MYZAP: variants seen among roughly 807,000 people sequenced by gnomAD.
The protein encoded by MYZAP is myocardial zonula adherens protein, also known as GRINL1A complex locus upstream.
A neutral mutation model predicts 69.4 loss-of-function variants in MYZAP; 66 were observed. That is an observed-to-expected ratio of 0.95 (90% CI 0.78 to 1.17). MYZAP has a LOEUF of 1.17. Among genes scored for constraint, MYZAP ranks in the 50% most tolerant of loss-of-function variants. The pLI, the probability that MYZAP is intolerant of heterozygous loss-of-function variation, is 0.00. For synonymous variants in MYZAP, 256 were observed against 205.9 expected, an observed-to-expected ratio of 1.24 and a Z score of -2.09; for missense variants, 611 against 556.2, an observed-to-expected ratio of 1.10 and a Z score of -0.99.
intron 11 of MYZAP, among the ~76,000 whole-genome samples, chr15:57,664,556 G>A (rs766870034): frequency 6.6e-6 from 1 of 152,160 alleles, no homozygotes; most frequent in Non-Finnish European, 1.5e-5. Flanking sequence ...TCTACGGCAC[G>A]GATGCTAAGC....
At chr15:57,628,129 A>G (rs568180927) in intron 5 of MYZAP, among the ~76,000 whole-genome samples, 114 of 152,334 alleles carry the variant, frequency 7.5e-4, no homozygotes, top group Non-Finnish European at 1.3e-3. Flanking sequence ...CACATCTTCT[A>G]ATGTGAAATT....
chr15:57,670,056 A>G (rs537502851), intron 11 of MYZAP, among the ~76,000 whole-genome samples: 11 of 152,250 alleles, frequency 7.2e-5, no homozygotes, highest in African/African-American at 2.6e-4. Flanking sequence ...TATAGTTTCA[A>G]TTAAATTTTT....
At chr15:57,624,591 A>G (rs1207163814) in intron 4 of MYZAP, among the ~76,000 whole-genome samples, 3 of 152,208 alleles carry the variant, frequency 2.0e-5, no homozygotes, top group African/African-American at 7.2e-5. Context: ...CATCAAAGCC[A>G]AAGAATTGGA....
At chr15:57,608,137 T>C (rs575053308) in intron 2 of MYZAP, among the ~76,000 whole-genome samples, 1 of 152,322 alleles carries the variant, frequency 6.6e-6, no homozygotes, top group African/African-American at 2.4e-5. Context: ...GTGAGACTTC[T>C]CAAGGATTTC....
intron 1 of MYZAP, 127 bp from the exon 2 acceptor site, chr15:57,604,142 C>CT (rs1424250634): frequency 1.5e-5 from 15 of 998,804 alleles, no homozygotes; most frequent in Admixed American, 2.1e-5. Context: ...TCTATGGCTC[C>CT]TGTATGATCA....
intron 9 of MYZAP, among the ~76,000 whole-genome samples, chr15:57,638,961 C>G (rs2036973978): frequency 6.6e-6 from 1 of 152,134 alleles, no homozygotes; most frequent in Non-Finnish European, 1.5e-5. Context: ...TATCTCTCAG[C>G]CCCTGGAAAA....
At chr15:57,666,445 T>C (rs2038574219) in intron 11 of MYZAP, among the ~76,000 whole-genome samples, 1 of 152,160 alleles carries the variant, frequency 6.6e-6, no homozygotes, top group Admixed American at 6.5e-5. Flanking sequence ...GGATTCATCA[T>C]TTGTGCTTAC....
At chr15:57,647,716 T>C (rs1269530682) in intron 10 of MYZAP, 1 of 985,304 alleles carries the variant, frequency 1.0e-6, no homozygotes, top group African/African-American at 1.7e-5. Context: ...CCTAAGTGGA[T>C]GCCCTCCACA....
intron 10 of MYZAP, among the ~76,000 whole-genome samples, chr15:57,649,821 C>A (rs2037638035): frequency 6.6e-6 from 1 of 152,176 alleles, no homozygotes; most frequent in African/African-American, 2.4e-5. Flanking sequence ...GCACATCCAT[C>A]CCCTCTATCC....
intron 1 of MYZAP, among the ~76,000 whole-genome samples, chr15:57,602,980 G>T (rs1245605798): frequency 1.3e-5 from 2 of 152,138 alleles, no homozygotes; most frequent in Non-Finnish European, 2.9e-5. Context: ...TTGCCCCTAA[G>T]TCACCCTTCG....
intron 10 of MYZAP, among the ~76,000 whole-genome samples, chr15:57,644,757 C>T (rs2037355625): frequency 1.3e-5 from 2 of 152,242 alleles, no homozygotes; most frequent in African/African-American, 4.8e-5. Flanking sequence ...TGAGCCACTA[C>T]ACCTGGCCTG....
chr15:57,611,758 T>C (rs1322426997), intron 2 of MYZAP, among the ~76,000 whole-genome samples: 2 of 152,180 alleles, frequency 1.3e-5, no homozygotes, highest in African/African-American at 4.8e-5. Context: ...AAACAGGGTC[T>C]CACTATGTCA....
chr15:57,639,424 C>A lies in MYZAP; in HGVS notation c.1014-16C>A, dbSNP rs1480692328. On this transcript the variant is annotated splice_polypyrimidine_tract_variant and intron_variant, in intron 9 of 12. Transcript: ENST00000267853. ...TGGTTTAGGACTCATTTGCTTTTTT[C>A]TCCTATTTGTGTTAGGTATCAGCAG... 1 of 1,612,646 alleles carries A rather than the reference C, an allele frequency of 6.2e-7. No individual in the cohort carries two copies. The highest frequency in any genetic ancestry group is 1.1e-5 in the South Asian group (1 of 90,876).
At chr15:57,606,344 T>C (rs1241789931) in intron 2 of MYZAP, among the ~76,000 whole-genome samples, 4 of 152,146 alleles carry the variant, frequency 2.6e-5, no homozygotes, top group African/African-American at 9.7e-5. Context: ...AATCTAATAA[T>C]AAGGAAACAG....
intron 12 of MYZAP, among the ~76,000 whole-genome samples, chr15:57,682,938 A>G (rs2039516330): frequency 6.6e-6 from 1 of 152,086 alleles, no homozygotes. Context: ...GTGGTGCTAA[A>G]TTGTTCTGCC....
At position 57,630,219 on chromosome 15, in the gene MYZAP, T is replaced by A. The variant is rs538136235; in HGVS notation, c.678+365T>A. On this transcript the variant is annotated intron_variant, in intron 6 of 12. Transcript: ENST00000267853. The stretch of plus-strand genomic sequence containing the variant: ...CTGACCTCAGGTGATCCGCCTGCCT[T>A]GGCCTCCCAAAGTGCTGGGATGACA... 1.7e-4 allele frequency among the ~76,000 whole-genome samples: 26 copies of A among 152,256 alleles called. No homozygotes were observed. In the East Asian group the frequency reaches 4.7e-3, roughly 27 times the overall value.
chr15:57,621,797 G>A (rs1567211043), intron 4 of MYZAP, 97 bp downstream of exon 4: 3 of 1,044,350 alleles, frequency 2.9e-6, no homozygotes, highest in Non-Finnish European at 4.0e-6. Flanking sequence ...AGTATCTAGT[G>A]TTCTTTATCA....
chr15:57,629,824 G>A lies in MYZAP; in HGVS notation c.648G>A (p.Ala216=), dbSNP rs142052894. The part of the protein sequence containing the change: ...LREKQRQLEV[A]QVENQLLKMK... ...AAAAGCAGAGGCAGTTGGAGGTAGC[G>A]CAAGTTGAAAACCAGCTGCTAAAAA... Residue 216 remains alanine (A), a synonymous_variant, in exon 6 of 13, where the codon GCG becomes GCA. Coordinates refer to ENST00000267853, the MANE Select transcript of MYZAP (RefSeq NM_001018100.5). 4.4e-4 allele frequency: 718 copies of A among 1,613,742 alleles called. 3 individuals are homozygous for A. In the African/African-American group the frequency reaches 7.6e-3, roughly 17 times the overall value.
At chr15:57,661,660 A>G in intron 11 of MYZAP, 127 bp downstream of exon 11, 1 of 800,374 alleles carries the variant, frequency 1.2e-6, no homozygotes, top group East Asian at 2.9e-5. Flanking sequence ...TTGAGGGTTA[A>G]GTGCCAGCCT....
Sources: gnomAD v4.1 joint callset for allele counts (sites outside exome capture counted in the v4.1 genomes callset) on GRCh38, gnomAD v4.1.1 for gene constraint, MANE v1.5 for transcripts, NCBI Gene and HGNC (gene_info 2026-07-23, HGNC 2026-07-21) for gene names.